Variants in MYO9A observed in about 807,000 individuals in gnomAD.
The protein encoded by MYO9A is unconventional myosin-IXa.
MYO9A carries 103 observed loss-of-function variants against 293.3 expected under a neutral mutation model. That is an observed-to-expected ratio of 0.35 (90% CI 0.30 to 0.41). The LOEUF (loss-of-function observed/expected upper bound fraction) is 0.41, where lower values mean the gene tolerates loss of function less well. MYO9A is among the 10% of genes least tolerant of loss of function. The probability of loss-of-function intolerance (pLI) is 1.00; values close to 1 mark genes in which losing one functional copy is unlikely to be tolerated. For synonymous variants in MYO9A, 1,001 were observed against 1,035.7 expected, an observed-to-expected ratio of 0.97 and a Z score of 0.64; for missense variants, 2,685 against 3,033.0, an observed-to-expected ratio of 0.89 and a Z score of 2.69.
chr15:72,036,067 C>T (rs1010655125), intron 2 of MYO9A, among the ~76,000 whole-genome samples: 3 of 151,806 alleles, frequency 2.0e-5, no homozygotes, highest in African/African-American at 7.3e-5. Context: ...ATATAAGGCA[C>T]AAAAAAGACA....
chr15:71,912,119 T>C (rs2057870593), intron 19 of MYO9A, among the ~76,000 whole-genome samples: 1 of 152,200 alleles, frequency 6.6e-6, no homozygotes. Flanking sequence ...TTCTGTATAG[T>C]GTAAAAGCTT....
intron 15 of MYO9A, among the ~76,000 whole-genome samples, chr15:71,944,590 T>C (rs917906883): frequency 1.3e-5 from 2 of 152,178 alleles, no homozygotes; most frequent in East Asian, 3.8e-4. Context: ...TCTAGTGCTA[T>C]TTGTTTAAAA....
intron 39 of MYO9A, among the ~76,000 whole-genome samples, chr15:71,844,973 C>G (rs779333260): frequency 1.3e-5 from 2 of 152,148 alleles, no homozygotes; most frequent in African/African-American, 2.4e-5. Context: ...TATGCATTAT[C>G]TAGACAGAAT....
At chr15:71,977,765 C>T (rs952156085) in intron 12 of MYO9A, among the ~76,000 whole-genome samples, 2 of 152,106 alleles carry the variant, frequency 1.3e-5, no homozygotes, top group South Asian at 2.1e-4. Context: ...TGGCCACACG[C>T]GGTGGCTCAC....
intron 11 of MYO9A, 57 bp downstream of exon 11, chr15:71,991,046 T>A (rs2076531648): frequency 7.2e-7 from 1 of 1,379,530 alleles, no homozygotes. Context: ...TTATTATGAA[T>A]ATGACTCAAA....
At chr15:71,958,464 A>C (rs2059253938) in intron 14 of MYO9A, 1 of 152,162 alleles carries the variant, frequency 6.6e-6, no homozygotes, top group African/African-American at 2.4e-5. Context: ...TTCGGAAACA[A>C]ATCTGCTCAG....
chr15:71,866,921 G>C lies in MYO9A; in HGVS notation c.5980-4310C>G, dbSNP rs574113013. Among the ~76,000 whole-genome samples, 14 of 152,182 alleles carry C rather than the reference G, an allele frequency of 9.2e-5. No individual in the cohort carries two copies. The East Asian group carries it at 2.5e-3, about 27-fold the overall frequency. On this transcript the variant is annotated intron_variant, in intron 32 of 41. Transcript: ENST00000356056. ...AAAATACAAAAATTAGCCAGGCGTGGTGGCGCACACCTGTGGTCCCAGCTA... is the reference window on the plus strand; with the variant it reads ...AAAATACAAAAATTAGCCAGGCGTGCTGGCGCACACCTGTGGTCCCAGCTA...
intron 2 of MYO9A, among the ~76,000 whole-genome samples, chr15:72,039,210 TG>T (rs998673778): frequency 2.0e-5 from 3 of 152,116 alleles, no homozygotes; most frequent in African/African-American, 7.2e-5. Context: ...AGTATGTCAT[TG>T]TTTTAGAAAG....
At chr15:72,098,882 C>A (rs950346891) in intron 1 of MYO9A, among the ~76,000 whole-genome samples, 1 of 150,092 alleles carries the variant, frequency 6.7e-6, no homozygotes, top group African/African-American at 2.5e-5. Context: ...ATGATAAAAA[C>A]GAAGAAGTGA....
rs1014146907 is a variant in MYO9A, at chr15:71,912,769, C to G, written c.2685+3601G>C. Among the ~76,000 whole-genome samples the G allele has an allele frequency of 1.5e-4, 23 of 152,226 alleles. No homozygotes were observed. In the East Asian group the frequency reaches 4.4e-3, roughly 29 times the overall value. ...CTTAGTTTTTAAAAGATACATTCAC[C>G]ACACATAGAATTCTAGGGTGACTTT... On this transcript the variant is annotated intron_variant, in intron 19 of 41. Transcript: ENST00000356056.
chr15:72,110,968 A>G (rs1238972346), intron 1 of MYO9A, among the ~76,000 whole-genome samples: 1 of 151,522 alleles, frequency 6.6e-6, no homozygotes, highest in East Asian at 2.0e-4. Context: ...GACCATCCTG[A>G]CTAACATGGT....
chr15:71,968,058 T>C lies in MYO9A; in HGVS notation c.1912A>G (p.Ile638Val), dbSNP rs754108415. 5.6e-6 allele frequency: 9 copies of C among 1,612,880 alleles called. No individual in the cohort carries two copies. The highest frequency in any genetic ancestry group is 7.6e-6 in the Non-Finnish European group (9 of 1,179,430). The change falls in exon 13 of 42, where the codon ATC (isoleucine) becomes GTC (valine). Residue 638 changes from isoleucine (I) to valine (V), a missense_variant. By Grantham distance (29) the Ile-to-Val change is conservative. This residue lies in a region of MYO9A where 201 missense variants were observed against 245.2 expected (regional missense o/e 0.82). Transcript: ENST00000356056. ...FKHQHEDNSY[I>V]EFPAVMEPAF... ...GGCTCCATCACGGCTGGAAATTCGA[T>C]GTAAGAATTATCTTCATGTTGATGC...
intron 36 of MYO9A, among the ~76,000 whole-genome samples, chr15:71,851,598 A>T (rs957474446): frequency 1.3e-5 from 2 of 152,180 alleles, no homozygotes; most frequent in African/African-American, 4.8e-5. Flanking sequence ...CAGCAAGGGG[A>T]TAGAGATGTT....
At chr15:71,938,105 A>G (rs2058684526) in intron 16 of MYO9A, among the ~76,000 whole-genome samples, 1 of 152,150 alleles carries the variant, frequency 6.6e-6, no homozygotes, top group Non-Finnish European at 1.5e-5. Flanking sequence ...TAAATAAGCA[A>G]TAAAGAGTCA....
chr15:71,824,174 C>A lies in MYO9A; in HGVS notation c.*2406G>T, dbSNP rs2054375650. 1 of 152,040 alleles carries A rather than the reference C, an allele frequency of 6.6e-6. No individual in the cohort carries two copies. The highest frequency in any genetic ancestry group is 6.6e-5 in the Admixed American group (1 of 15,258). The allele number at this position is 152,040 out of a possible 1,614,324, so 9.4% of individuals were successfully genotyped here. ...CCTGGCAGATTAAATTACTAGAAAT[C>A]CACAAATCTAGCAACTGAAAAAACA... On this transcript the variant is annotated 3_prime_UTR_variant, in exon 42 of 42. Transcript: ENST00000356056.
chr15:72,046,536 G>A lies in MYO9A; in HGVS notation c.28C>T (p.Arg10Cys), dbSNP rs376806332. MNINDGGRRRFEDNEHTLRI... is the reference protein window; with the variant it reads MNINDGGRRCFEDNEHTLRI... ...AATGTATGTTCATTATCTTCAAAGC[G>A]TCGTCTTCCTCCATCATTTATATTC... is the stretch of plus-strand genomic sequence containing the variant. The change falls in exon 2 of 42, where the codon CGC becomes TGC. Residue 10 changes from arginine (R) to cysteine (C), a missense_variant. Arg to Cys is a radical substitution (Grantham distance 180). Coordinates refer to ENST00000356056, the MANE Select transcript of MYO9A (RefSeq NM_006901.4). 6.2e-6 allele frequency: 10 copies of A among 1,604,028 alleles called. No homozygotes were observed. In the East Asian group the frequency reaches 6.7e-5, roughly 11 times the overall value.
At chr15:71,848,252 T>C (rs2055477635) in intron 39 of MYO9A, among the ~76,000 whole-genome samples, 1 of 151,534 alleles carries the variant, frequency 6.6e-6, no homozygotes, top group African/African-American at 2.4e-5. Context: ...ACTGGAGTTA[T>C]ATGTTACTGG....
chr15:72,061,464 T>C (rs1429181899), intron 1 of MYO9A, among the ~76,000 whole-genome samples: 1 of 151,084 alleles, frequency 6.6e-6, no homozygotes, highest in Non-Finnish European at 1.5e-5. Context: ...CCCATTGCTC[T>C]GAAGAGAGAC....
At chr15:72,086,758 G>GTTTTT (rs10645219) in intron 1 of MYO9A, among the ~76,000 whole-genome samples, 1 of 150,654 alleles carries the variant, frequency 6.6e-6, no homozygotes, top group East Asian at 2.0e-4. Flanking sequence ...TGTTTTTTTT[G>GTTTTT]TTGTTTTTGT....
Sources: gnomAD v4.1 joint callset for allele counts (sites outside exome capture counted in the v4.1 genomes callset) on GRCh38, gnomAD v4.1.1 for gene constraint, gnomAD v4.1.1 regional missense constraint, MANE v1.5 for transcripts, NCBI Gene and HGNC (gene_info 2026-07-23, HGNC 2026-07-21) for gene names.